Variants in PPP2R2B observed in about 807,000 individuals in gnomAD.
The protein encoded by PPP2R2B is protein phosphatase 2 regulatory subunit Bbeta, also known as serine/threonine-protein phosphatase 2A 55 kDa regulatory subunit B beta isoform.
In PPP2R2B, 5 loss-of-function variants were observed where a neutral mutation model predicts 46.0. The ratio of observed to expected loss-of-function variants is 0.11; its 90% CI spans 0.06 to 0.23. The LOEUF is 0.23. PPP2R2B is among the 10% of genes least tolerant of loss of function. The pLI, the probability that PPP2R2B is intolerant of heterozygous loss-of-function variation, is 1.00. For missense variants in PPP2R2B, 367 were observed against 575.0 expected (o/e 0.64, Z 3.70); for synonymous variants, 215 against 206.7 (o/e 1.04, Z -0.34).
intron 7 of PPP2R2B, among the ~76,000 whole-genome samples, chr5:146,604,225 G>A (rs1581693976): frequency 6.6e-6 from 1 of 152,200 alleles, no homozygotes; most frequent in Admixed American, 6.5e-5. Flanking sequence ...TATGGAACTG[G>A]CTAGTGGAAG....
At chr5:146,832,379 C>CTTTTTTATTTTTTTTT (rs1759003054) in intron 2 of PPP2R2B, among the ~76,000 whole-genome samples, 1 of 70,192 alleles carries the variant, frequency 1.4e-5, no homozygotes, top group Non-Finnish European at 2.7e-5. Flanking sequence ...CATTTTTAAT[C>CTTTTTTATTTTTTTTT]TTTTTTTTTT....
intron 1 of PPP2R2B, among the ~76,000 whole-genome samples, chr5:146,894,005 T>A (rs1762568806): frequency 6.6e-6 from 1 of 151,998 alleles, no homozygotes; most frequent in African/African-American, 2.4e-5. Flanking sequence ...AAGATTGCGC[T>A]GCTACACTCC....
At chr5:146,993,754 C>A (rs1037972763) in intron 1 of PPP2R2B, among the ~76,000 whole-genome samples, 10 of 152,142 alleles carry the variant, frequency 6.6e-5, no homozygotes, top group Non-Finnish European at 1.3e-4. Context: ...TTGCTATCAT[C>A]ATCATAACTG....
chr5:147,000,296 C>T (rs1165428377), intron 1 of PPP2R2B, among the ~76,000 whole-genome samples: 1 of 152,126 alleles, frequency 6.6e-6, no homozygotes, highest in Non-Finnish European at 1.5e-5. Flanking sequence ...CTAATCCCTG[C>T]TGTTAGTTCA....
intron 1 of PPP2R2B, among the ~76,000 whole-genome samples, chr5:146,967,437 T>C (rs181154961): frequency 1.1e-3 from 168 of 152,310 alleles, no homozygotes; most frequent in Middle Eastern, 3.4e-3. Context: ...GTTCCATTGA[T>C]ATTATTCCTA....
At chr5:146,988,978 A>G (rs1437326290) in intron 1 of PPP2R2B, among the ~76,000 whole-genome samples, 1 of 152,042 alleles carries the variant, frequency 6.6e-6, no homozygotes, top group East Asian at 1.9e-4. Flanking sequence ...GAACAACTAC[A>G]CGTAAATAAA....
At chr5:146,868,225 A>C (rs978806458) in intron 2 of PPP2R2B, among the ~76,000 whole-genome samples, 4 of 152,224 alleles carry the variant, frequency 2.6e-5, no homozygotes, top group East Asian at 1.9e-4. Flanking sequence ...TCTCAAAGTC[A>C]TGGCTGCCCA....
At chr5:146,797,317 ACAAG>A (rs1756600329) in intron 2 of PPP2R2B, among the ~76,000 whole-genome samples, 1 of 152,184 alleles carries the variant, frequency 6.6e-6, no homozygotes, top group African/African-American at 2.4e-5. Context: ...TTTCATTTCC[ACAAG>A]CTACCCTGCT....
rs571238771 is a variant in PPP2R2B, at chr5:146,962,776, C to T, written c.79+92889G>A. On this transcript the variant is annotated intron_variant, in intron 1 of 8. Transcript: ENST00000336640. ...ATTCTCATCACCCTCAAGTTCGCTG[C>T]GGAACTTGCCAAAGGCCCAAAGCTA... Among the ~76,000 whole-genome samples the T allele has an allele frequency of 1.3e-3, 198 of 152,286 alleles. 1 individual carries two copies. Among genetic ancestry groups the T allele is most frequent in the Non-Finnish European group, 2.2e-3 (149 of 68,020 alleles).
At chr5:147,038,990 A>G (rs1756172095) in intron 1 of PPP2R2B, among the ~76,000 whole-genome samples, 1 of 152,220 alleles carries the variant, frequency 6.6e-6, no homozygotes, top group South Asian at 2.1e-4. Context: ...AACCCCCACC[A>G]TGAAAAGATA....
At chr5:146,916,341 T>C (rs1763384518) in intron 1 of PPP2R2B, among the ~76,000 whole-genome samples, 1 of 151,254 alleles carries the variant, frequency 6.6e-6, no homozygotes, top group Non-Finnish European at 1.5e-5. Flanking sequence ...TCTTTGAGTA[T>C]ATAGTAGGTC....
chr5:146,662,625 A>G (rs1489420196), intron 5 of PPP2R2B, among the ~76,000 whole-genome samples: 1 of 152,202 alleles, frequency 6.6e-6, no homozygotes, highest in Admixed American at 6.5e-5. Flanking sequence ...TTTATAAATT[A>G]CCCAGTCTGT....
intron 2 of PPP2R2B, among the ~76,000 whole-genome samples, chr5:146,844,353 TAAAAA>T (rs541590190): frequency 0.071 from 9,728 of 136,396 alleles, 583 homozygotes; most frequent in African/African-American, 0.18. Flanking sequence ...TAGAGTATAA[TAAAAA>T]AAAAAAAACA....
intron 2 of PPP2R2B, among the ~76,000 whole-genome samples, chr5:146,877,512 G>A (rs993578386): frequency 6.6e-6 from 1 of 152,094 alleles, no homozygotes; most frequent in African/African-American, 2.4e-5. Context: ...AGGGCTTTTT[G>A]GGGTTTTGAT....
intron 2 of PPP2R2B, among the ~76,000 whole-genome samples, chr5:146,715,652 G>C (rs561996579): frequency 2.0e-5 from 3 of 152,262 alleles, no homozygotes; most frequent in Admixed American, 2.0e-4. Flanking sequence ...GGCTCAGACA[G>C]GATAAATAAC....
chr5:146,913,129 A>T (rs139797419), intron 1 of PPP2R2B, among the ~76,000 whole-genome samples: 1 of 152,350 alleles, frequency 6.6e-6, no homozygotes, highest in African/African-American at 2.4e-5. Context: ...GAAGGCAAGA[A>T]TGAGTTTATA....
At chr5:146,955,364 C>T (rs575589195) in intron 1 of PPP2R2B, among the ~76,000 whole-genome samples, 2 of 152,246 alleles carry the variant, frequency 1.3e-5, no homozygotes, top group South Asian at 2.1e-4. Flanking sequence ...GGATTTCTAA[C>T]AAGTTCCAGG....
chr5:147,029,258 G>T (rs1755669427), intron 1 of PPP2R2B, among the ~76,000 whole-genome samples: 1 of 151,882 alleles, frequency 6.6e-6, no homozygotes, highest in South Asian at 2.1e-4. Context: ...TTATGTTATA[G>T]TCTAGAAAGT....
intron 1 of PPP2R2B, among the ~76,000 whole-genome samples, chr5:147,044,380 G>A (rs1009010232): frequency 6.6e-6 from 1 of 152,118 alleles, no homozygotes; most frequent in Non-Finnish European, 1.5e-5. Context: ...TGAAGGGCTG[G>A]CATAGATGAA....
Sources: gnomAD v4.1 joint callset for allele counts (sites outside exome capture counted in the v4.1 genomes callset) on GRCh38, gnomAD v4.1.1 for gene constraint, MANE v1.5 for transcripts, NCBI Gene and HGNC (gene_info 2026-07-23, HGNC 2026-07-21) for gene names.